ATRNL1: variants seen among roughly 807,000 people sequenced by gnomAD.
The protein encoded by ATRNL1 is attractin-like protein 1.
A neutral mutation model predicts 182.7 loss-of-function variants in ATRNL1; 95 were observed. The ratio of observed to expected loss-of-function variants is 0.52; its 90% CI spans 0.44 to 0.62. ATRNL1 has a LOEUF of 0.62. ATRNL1 is among the 20% of genes least tolerant of loss of function. The pLI is 0.00. For synonymous variants in ATRNL1, 576 were observed against 568.3 expected (o/e 1.01, Z -0.19); for missense variants, 1,471 against 1,679.5 (o/e 0.88, Z 2.17).
In ATRNL1 at chr10:115,944,470, TG is replaced by T. The variant is rs1250090310; in HGVS notation, c.4019-186del. On this transcript the variant is annotated intron_variant, in intron 28 of 28. Coordinates refer to ENST00000355044, the MANE Select transcript of ATRNL1 (RefSeq NM_207303.4). ...TTCTTAGATCTTTCTTCTTCTTCCT[TG>T]GTGAAGTTCACATGCCCAAGTCAAG... 3.9e-5 allele frequency among the ~76,000 whole-genome samples: 6 copies of T among 152,248 alleles called. No individual in the cohort carries two copies. The East Asian group carries it at 1.2e-3, about 29-fold the overall frequency.
chr10:115,688,229 G>A (rs1253621430), intron 26 of ATRNL1, among the ~76,000 whole-genome samples: 1 of 152,142 alleles, frequency 6.6e-6, no homozygotes, highest in African/African-American at 2.4e-5. Context: ...CGATGAGCAT[G>A]TAGGTTGATT....
intron 28 of ATRNL1, among the ~76,000 whole-genome samples, chr10:115,906,569 G>A (rs1555114609): frequency 6.6e-6 from 1 of 152,094 alleles, no homozygotes; most frequent in Non-Finnish European, 1.5e-5. Flanking sequence ...TAGTAAATCT[G>A]CTGATTAATT....
Position 115,903,828 on chromosome 10 carries a change from G to C in ATRNL1, c.4019-40830G>C, listed in dbSNP as rs538099223. ...TGGGCTGGAGGAGAAGGAGAAGGCA[G>C]TGGCAAGGAGATCCCATAAGCATTT... On this transcript the variant is annotated intron_variant, in intron 28 of 28. Transcript: ENST00000355044. 4.6e-5 allele frequency among the ~76,000 whole-genome samples: 7 copies of C among 152,292 alleles called. No individual in the cohort carries two copies. The South Asian group carries it at 1.2e-3, about 27-fold the overall frequency.
chr10:115,637,128 G>A (rs1329865881), intron 26 of ATRNL1, among the ~76,000 whole-genome samples: 13 of 152,192 alleles, frequency 8.5e-5, no homozygotes, highest in Admixed American at 7.9e-4. Flanking sequence ...TGTCCATGGT[G>A]TATTATCTGC....
At chr10:115,256,118 C>A (rs1230847784) in intron 10 of ATRNL1, among the ~76,000 whole-genome samples, 2 of 152,106 alleles carry the variant, frequency 1.3e-5, no homozygotes, top group East Asian at 3.8e-4. Context: ...TGTGTCTCTA[C>A]CAGGCTTTGG....
intron 8 of ATRNL1, among the ~76,000 whole-genome samples, chr10:115,179,881 T>C (rs568477747): frequency 1.3e-5 from 2 of 152,134 alleles, no homozygotes; most frequent in African/African-American, 4.8e-5. Flanking sequence ...AAGATTAATA[T>C]ATTTATCATC....
chr10:115,160,848 G>T (rs1225293962), intron 6 of ATRNL1, among the ~76,000 whole-genome samples: 6 of 151,862 alleles, frequency 4.0e-5, no homozygotes, highest in Admixed American at 6.6e-5. Context: ...GCTTCCAGGG[G>T]TAGTGTTCAT....
chr10:115,743,529 C>T (rs1010759694), intron 27 of ATRNL1, among the ~76,000 whole-genome samples: 20 of 151,958 alleles, frequency 1.3e-4, no homozygotes, highest in Non-Finnish European at 2.2e-4. Flanking sequence ...GATTGCTGAG[C>T]AACAGTGAAG....
At position 115,389,580 on chromosome 10, in the gene ATRNL1, A is replaced by G. The variant is rs868965298; in HGVS notation, c.3176-5079A>G. 1.5e-4 allele frequency among the ~76,000 whole-genome samples: 16 copies of G among 108,996 alleles called. 1 individual carries two copies. Among genetic ancestry groups the G allele is most frequent in the South Asian group, 8.2e-4 (3 of 3,676 alleles). The allele number at this position is 108,996 out of a possible 152,430, so 71.5% of individuals were successfully genotyped here. A position where few individuals can be genotyped will look rare whatever the true frequency, so the allele number is the denominator to read the frequency against. ...TATATATATATATATATATATATAT[A>G]TATATATATATTTCATCCAATGATG... On this transcript the variant is annotated intron_variant, in intron 19 of 28. Transcript: ENST00000355044.
At chr10:115,823,219 A>G (rs1376659916) in intron 27 of ATRNL1, among the ~76,000 whole-genome samples, 1 of 152,352 alleles carries the variant, frequency 6.6e-6, no homozygotes, top group East Asian at 1.9e-4. Context: ...CTTTGACAAA[A>G]TTCAACATCC....
At chr10:115,863,928 G>A (rs1243213972) in intron 28 of ATRNL1, among the ~76,000 whole-genome samples, 1 of 152,144 alleles carries the variant, frequency 6.6e-6, no homozygotes, top group Non-Finnish European at 1.5e-5. Flanking sequence ...CAACCTGAAG[G>A]AGCAGCTAAT....
intron 27 of ATRNL1, among the ~76,000 whole-genome samples, chr10:115,756,459 T>C (rs1948592546): frequency 6.6e-6 from 1 of 152,196 alleles, no homozygotes; most frequent in Admixed American, 6.5e-5. Flanking sequence ...TCAGTTTCCA[T>C]GTAGTTGTGC....
At chr10:115,623,836 G>C (rs1857926510) in intron 26 of ATRNL1, among the ~76,000 whole-genome samples, 1 of 152,096 alleles carries the variant, frequency 6.6e-6, no homozygotes, top group Non-Finnish European at 1.5e-5. Context: ...TAAAAATATA[G>C]ATATTTAGTA....
intron 17 of ATRNL1, among the ~76,000 whole-genome samples, chr10:115,302,259 T>A (rs1389267254): frequency 6.6e-6 from 1 of 152,192 alleles, no homozygotes; most frequent in Non-Finnish European, 1.5e-5. Context: ...ATTAACATAT[T>A]GCCACATATG....
chr10:115,675,799 A>C (rs1555042779), intron 26 of ATRNL1, among the ~76,000 whole-genome samples: 1 of 152,082 alleles, frequency 6.6e-6, no homozygotes, highest in Non-Finnish European at 1.5e-5. Flanking sequence ...ACATATATTC[A>C]ATTTAATTCT....
rs1270720224 is a variant in ATRNL1, at chr10:115,228,808, C to T, written c.1533-12763C>T. Among the ~76,000 whole-genome samples the T allele has an allele frequency of 2.0e-5, 3 of 149,342 alleles. No individual in the cohort carries two copies. In the Admixed American group the frequency reaches 2.0e-4, roughly 10 times the overall value. On this transcript the variant is annotated intron_variant, in intron 9 of 28. Coordinates refer to ENST00000355044, the MANE Select transcript of ATRNL1 (RefSeq NM_207303.4). Reference sequence around the variant, plus strand: ...GAGATGAAGTTTCGCTCTTGTTTCCCAGGCTAGAGTGCAGTGGCACAATCT... The same window carrying T: ...GAGATGAAGTTTCGCTCTTGTTTCCTAGGCTAGAGTGCAGTGGCACAATCT...
Position 115,591,082 on chromosome 10 carries a change from G to A in ATRNL1, c.3795+41546G>A, listed in dbSNP as rs189152680. Among the ~76,000 whole-genome samples, 13 of 152,250 alleles carry A rather than the reference G, an allele frequency of 8.5e-5. 1 individual carries two copies. The highest frequency in any genetic ancestry group is 2.0e-4 in the Admixed American group (3 of 15,294). On this transcript the variant is annotated intron_variant, in intron 26 of 28. Coordinates refer to ENST00000355044, the MANE Select transcript of ATRNL1 (RefSeq NM_207303.4). ...GTTCTAGGTACCACTGTACTAGCACGTACAAGATATGCATGTATACGTGTA... is the reference window on the plus strand; with the variant it reads ...GTTCTAGGTACCACTGTACTAGCACATACAAGATATGCATGTATACGTGTA...
intron 21 of ATRNL1, among the ~76,000 whole-genome samples, chr10:115,452,885 A>G (rs1195531113): frequency 1.3e-5 from 2 of 151,880 alleles, no homozygotes; most frequent in Non-Finnish European, 2.9e-5. Flanking sequence ...CCACCTTTCT[A>G]TTCTCTGCAT....
At chr10:115,389,346 T>A (rs608759) in intron 19 of ATRNL1, among the ~76,000 whole-genome samples, 57,157 of 150,084 alleles carry the variant, frequency 0.38, 12,054 homozygotes, top group African/African-American at 0.57. Context: ...CTCTACTAAA[T>A]ATACAAAAAT....
Sources: allele counts gnomAD v4.1 joint callset (sites outside exome capture counted in the v4.1 genomes callset), GRCh38; gene constraint gnomAD v4.1.1; transcripts MANE v1.5; gene names NCBI Gene and HGNC (gene_info 2026-07-23, HGNC 2026-07-21).